Variants in PTPRG observed in about 807,000 individuals in gnomAD.
PTPRG encodes receptor-type tyrosine-protein phosphatase gamma.
PTPRG carries 102 observed loss-of-function variants against 165.3 expected under a neutral mutation model. That is an observed-to-expected ratio of 0.62 (90% CI 0.53 to 0.73). The LOEUF (loss-of-function observed/expected upper bound fraction) is 0.73, where lower values mean the gene tolerates loss of function less well. Ranked by LOEUF, PTPRG falls within the 30% of genes least tolerant of loss-of-function variation. The pLI, the probability that PTPRG is intolerant of heterozygous loss-of-function variation, is 0.00. For synonymous variants in PTPRG, 675 were observed against 669.5 expected (o/e 1.01, Z -0.13); for missense variants, 1,866 against 1,861.4 (o/e 1.00, Z -0.05).
In PTPRG at chr3:61,617,984, T is replaced by C. The variant is rs141831095; in HGVS notation, c.85+55612T>C. ...ATTGAAATCTAAAAATTTCACTGAA[T>C]TATAAATGTGCAGGTACACTATATA... On this transcript the variant is annotated intron_variant, in intron 1 of 29. Coordinates refer to ENST00000474889, the MANE Select transcript of PTPRG (RefSeq NM_002841.4). Among the ~76,000 whole-genome samples, 32 of 152,346 alleles carry C rather than the reference T, an allele frequency of 2.1e-4. No homozygotes were observed. The East Asian group carries it at 5.0e-3, about 24-fold the overall frequency.
chr3:61,744,502 A>G (rs1391039956), intron 1 of PTPRG, among the ~76,000 whole-genome samples: 1 of 152,234 alleles, frequency 6.6e-6, no homozygotes, highest in Non-Finnish European at 1.5e-5. Flanking sequence ...AGTGGTAAGT[A>G]TCTGTGTATC....
chr3:61,659,601 T>C (rs1702603558), intron 1 of PTPRG, among the ~76,000 whole-genome samples: 1 of 152,174 alleles, frequency 6.6e-6, no homozygotes, highest in African/African-American at 2.4e-5. Flanking sequence ...CTGAAGAGTG[T>C]ATTAGATTCC....
At chr3:61,843,251 A>G (rs1230964439) in intron 2 of PTPRG, among the ~76,000 whole-genome samples, 1 of 152,228 alleles carries the variant, frequency 6.6e-6, no homozygotes, top group Non-Finnish European at 1.5e-5. Flanking sequence ...AAAAAACAAA[A>G]CAAACAAAAT....
chr3:61,785,702 T>A (rs892637846), intron 2 of PTPRG, among the ~76,000 whole-genome samples: 7 of 152,218 alleles, frequency 4.6e-5, no homozygotes, highest in Non-Finnish European at 1.0e-4. Context: ...CTCATGTTCT[T>A]AGAATCTTCT....
At chr3:61,945,425 G>T (rs2039732624) in intron 2 of PTPRG, among the ~76,000 whole-genome samples, 1 of 151,932 alleles carries the variant, frequency 6.6e-6, no homozygotes, top group South Asian at 2.1e-4. Flanking sequence ...TGGGCGTGAT[G>T]GTAGGCGCCT....
chr3:61,971,452 T>G (rs946485720), intron 2 of PTPRG, among the ~76,000 whole-genome samples: 1 of 152,236 alleles, frequency 6.6e-6, no homozygotes, highest in Admixed American at 6.5e-5. Context: ...TGTATGGATA[T>G]TCCATATTTT....
intron 2 of PTPRG, among the ~76,000 whole-genome samples, chr3:61,807,744 C>T (rs1484345560): frequency 1.3e-5 from 2 of 151,504 alleles, no homozygotes; most frequent in Admixed American, 1.3e-4. Flanking sequence ...ATTATTGAAT[C>T]GTATTGGGAT....
chr3:62,176,261 G>A (rs1378282156), intron 8 of PTPRG, among the ~76,000 whole-genome samples: 4 of 152,050 alleles, frequency 2.6e-5, no homozygotes, highest in Admixed American at 1.3e-4. Context: ...GGATGGAGGG[G>A]TGGGTAGGGT....
In PTPRG at chr3:61,738,306, A is replaced by ATGTG. The variant is rs1559583371; in HGVS notation, c.86-10571_86-10570insGTGT. The stretch of plus-strand genomic sequence containing the variant: ...TATATATATATATATATATATATAT[A>ATGTG]TATATACATATATATATATATATAT... On this transcript the variant is annotated intron_variant, in intron 1 of 29. Coordinates refer to ENST00000474889, the MANE Select transcript of PTPRG (RefSeq NM_002841.4). Among the ~76,000 whole-genome samples the ATGTG allele has an allele frequency of 1.5e-3, 115 of 78,812 alleles. 8 individuals are homozygous for ATGTG. Among genetic ancestry groups the ATGTG allele is most frequent in the African/African-American group, 3.2e-3 (66 of 20,928 alleles). The allele number at this position is 78,812 out of a possible 152,430, so 51.7% of individuals were successfully genotyped here. A position where few individuals can be genotyped will look rare whatever the true frequency, so the allele number is the denominator to read the frequency against.
In PTPRG at chr3:62,294,105, A is replaced by C. The variant is rs976182192; in HGVS notation, c.*798A>C. 9.2e-5 allele frequency: 14 copies of C among 152,418 alleles called. No individual in the cohort carries two copies. Among genetic ancestry groups the C allele is most frequent in the African/African-American group, 3.4e-4 (14 of 41,552 alleles). 9.4% of individuals were successfully genotyped at this position (152,418 alleles called of 1,614,324 possible). Reference sequence around the variant, plus strand: ...AATCAGGGCTATCTTTAACAATAGCAAGATAGCAATATTATATACAACTCA... The same window carrying C: ...AATCAGGGCTATCTTTAACAATAGCCAGATAGCAATATTATATACAACTCA... On this transcript the variant is annotated 3_prime_UTR_variant, in exon 30 of 30. Transcript: ENST00000474889.
intron 2 of PTPRG, among the ~76,000 whole-genome samples, chr3:61,976,525 GC>G (rs1186701074): frequency 6.6e-6 from 1 of 152,184 alleles, no homozygotes; most frequent in Non-Finnish European, 1.5e-5. Flanking sequence ...GGGTATATTA[GC>G]AACCTACAGG....
At chr3:62,103,188 A>G (rs564264055) in intron 5 of PTPRG, among the ~76,000 whole-genome samples, 1 of 150,558 alleles carries the variant, frequency 6.6e-6, no homozygotes, top group East Asian at 1.9e-4. Flanking sequence ...TGGAACATTC[A>G]ACCTCAAGAC....
intron 8 of PTPRG, among the ~76,000 whole-genome samples, chr3:62,169,042 G>T (rs1356993450): frequency 1.3e-5 from 2 of 152,162 alleles, no homozygotes; most frequent in Non-Finnish European, 2.9e-5. Flanking sequence ...ACGCCATTCT[G>T]CTGTTCTTCT....
At chr3:61,921,552 TAC>T (rs2039078645) in intron 2 of PTPRG, among the ~76,000 whole-genome samples, 1 of 152,126 alleles carries the variant, frequency 6.6e-6, no homozygotes, top group South Asian at 2.1e-4. Flanking sequence ...GCATTCAAAA[TAC>T]AGTCACAACT....
chr3:61,618,597 G>GA (rs1701365154), intron 1 of PTPRG, among the ~76,000 whole-genome samples: 3 of 151,878 alleles, frequency 2.0e-5, no homozygotes, highest in Admixed American at 1.3e-4. Flanking sequence ...ATGTCGAGGG[G>GA]AAAAAAACGG....
chr3:62,092,259 G>T (rs1180431259), intron 5 of PTPRG, among the ~76,000 whole-genome samples: 1 of 151,726 alleles, frequency 6.6e-6, no homozygotes, highest in Non-Finnish European at 1.5e-5. Context: ...GGCCAACATG[G>T]TTAAACCCCA....
intron 2 of PTPRG, among the ~76,000 whole-genome samples, chr3:61,974,449 A>T (rs2040456434): frequency 6.6e-6 from 1 of 152,042 alleles, no homozygotes; most frequent in South Asian, 2.1e-4. Context: ...GCTACTCGGG[A>T]GGCTGAGGCA....
intron 2 of PTPRG, among the ~76,000 whole-genome samples, chr3:61,775,828 C>CA (rs1408812504): frequency 1.4e-5 from 2 of 147,990 alleles, no homozygotes; most frequent in African/African-American, 2.5e-5. Flanking sequence ...ATCGCAAGGA[C>CA]AAAAAACCAA....
rs10587372 is a variant in PTPRG, at chr3:62,036,983, G to GCACACACACA, written c.519+33503_519+33512dup. Among the ~76,000 whole-genome samples the GCACACACACA allele has an allele frequency of 5.4e-3, 816 of 150,554 alleles. 8 individuals carry two copies. Among genetic ancestry groups the GCACACACACA allele is most frequent in the African/African-American group, 0.017 (700 of 41,040 alleles). On this transcript the variant is annotated intron_variant, in intron 4 of 29. Coordinates refer to ENST00000474889, the MANE Select transcript of PTPRG (RefSeq NM_002841.4). ...CAGTGCTGCACGTGCGCGCGCGCAC[G>GCACACACACA]CACACACACACACACACACACACAC...
Sources: allele counts gnomAD v4.1 joint callset (sites outside exome capture counted in the v4.1 genomes callset), GRCh38; gene constraint gnomAD v4.1.1; transcripts MANE v1.5; gene names NCBI Gene and HGNC (gene_info 2026-07-23, HGNC 2026-07-21).